The following TOP2A variants were observed in gnomAD, a reference collection of about 807,000 sequenced individuals.
TOP2A encodes DNA topoisomerase 2-alpha.
Under a neutral mutation model 187.2 loss-of-function variants are expected in TOP2A, and 68 were observed. The observed-to-expected ratio is 0.36, with a 90% CI of 0.30 to 0.44. The LOEUF (loss-of-function observed/expected upper bound fraction) is 0.44. Among genes scored for constraint, TOP2A ranks in the 20% least tolerant of loss-of-function variants. TOP2A has a pLI of 1.00. For missense variants in TOP2A, 1,196 were observed against 1,808.7 expected, an observed-to-expected ratio of 0.66 and a Z score of 6.14; for synonymous variants, 542 against 593.2, an observed-to-expected ratio of 0.91 and a Z score of 1.25.
In TOP2A at chr17:40,404,477, T is replaced by C. The variant is rs1387289649; in HGVS notation, c.2061A>G (p.Gly687=). 2 of 1,599,508 alleles carry C rather than the reference T, an allele frequency of 1.3e-6. No individual in the cohort carries two copies. The highest frequency in any genetic ancestry group is 2.2e-5 in the East Asian group (1 of 44,788). The part of the protein sequence containing the change: ...LLGLPEDYLY[G]QTTTYLTYND... ...TATATGTCAGATATGTGGTAGTTTG[T>C]CCATACAAGTAATCCTGAAGGACCA... Residue 687 remains glycine (G), a synonymous_variant, in exon 18 of 35, where the codon GGA becomes GGG. Transcript: ENST00000423485.
chr17:40,404,049 A>G, intron 19 of TOP2A, 103 bp downstream of exon 19: 1 of 1,428,380 alleles, frequency 7.0e-7, no homozygotes, highest in African/African-American at 1.4e-5. Context: ...CTTGTTCTTT[A>G]CTATGAATAT....
chr17:40,417,099 ATAT>A (rs1598621829), intron 1 of TOP2A, among the ~76,000 whole-genome samples: 1 of 151,952 alleles, frequency 6.6e-6, no homozygotes, highest in Non-Finnish European at 1.5e-5. Context: ...AAACAGACAC[ATAT>A]TATCTCACCA....
chr17:40,399,187 G>C, intron 24 of TOP2A, 56 bp from the exon 25 acceptor site: 4 of 1,268,902 alleles, frequency 3.2e-6, no homozygotes, highest in Non-Finnish European at 4.4e-6. Context: ...TTAGGAAGGG[G>C]ATAAGGTTTT....
At chr17:40,413,405 C>A in intron 5 of TOP2A, 75 bp downstream of exon 5, 17 of 1,401,152 alleles carry the variant, frequency 1.2e-5, no homozygotes, top group African/African-American at 1.5e-5. Context: ...ATATCTTTAA[C>A]CCTCATGCCA....
At chr17:40,395,608 A>T (rs1598609298) in intron 28 of TOP2A, 69 bp from the exon 29 acceptor site, 2 of 1,228,560 alleles carry the variant, frequency 1.6e-6, no homozygotes, top group East Asian at 5.0e-5. Context: ...GATTTTATAC[A>T]TTTTTGGCTG....
intron 33 of TOP2A, among the ~76,000 whole-genome samples, chr17:40,390,715 C>A (rs2143618129): frequency 6.7e-6 from 1 of 149,394 alleles, no homozygotes; most frequent in South Asian, 2.1e-4. Flanking sequence ...GTAGCCTCTG[C>A]CTCCTGGGTT....
intron 16 of TOP2A, among the ~76,000 whole-genome samples, chr17:40,405,718 C>A (rs1217626765): frequency 6.6e-6 from 1 of 151,904 alleles, no homozygotes; most frequent in South Asian, 2.1e-4. Context: ...ATCTGCCCGA[C>A]TTAGCCTTCC....
Position 40,392,199 on chromosome 17 carries a change from T to C in TOP2A, c.4088+19A>G, listed in dbSNP as rs1381703669. On this transcript the variant is annotated intron_variant, in intron 31 of 34. Coordinates refer to ENST00000423485, the MANE Select transcript of TOP2A (RefSeq NM_001067.4). ...TTAGAAACAATCATGACAAAACCCATATTAGATAAGATACTTGCTTTGGGG... is the reference window on the plus strand; with the variant it reads ...TTAGAAACAATCATGACAAAACCCACATTAGATAAGATACTTGCTTTGGGG... 8.7e-6 allele frequency: 14 copies of C among 1,612,742 alleles called. No individual in the cohort carries two copies. The highest frequency in any genetic ancestry group is 1.3e-5 in the African/African-American group (1 of 74,838).
At chr17:40,396,242 A>C in intron 28 of TOP2A, 41 bp downstream of exon 28, 1 of 1,176,198 alleles carries the variant, frequency 8.5e-7, no homozygotes, top group Non-Finnish European at 1.2e-6. Context: ...TGGCCCCCAA[A>C]GTGCTGGGAT....
Position 40,400,584 on chromosome 17 carries a change from A to C in TOP2A, c.2744T>G (p.Ile915Ser). 6.2e-6 allele frequency: 10 copies of C among 1,611,928 alleles called. No individual in the cohort carries two copies. The highest frequency in any genetic ancestry group is 8.5e-6 in the Non-Finnish European group (10 of 1,179,060). ...NQYVISGEVA[I>S]LNSTTIEISE... ...GATTTCAATGGTTGTAGAATTAAGAATAGCTACTTCACCACTAATCACATA... is the reference window on the plus strand; with the variant it reads ...GATTTCAATGGTTGTAGAATTAAGACTAGCTACTTCACCACTAATCACATA... The change falls in exon 22 of 35, where the codon ATT becomes AGT. Residue 915 changes from isoleucine (I) to serine (S), a missense_variant. Ile to Ser is a moderately radical substitution (Grantham distance 142). Transcript: ENST00000423485.
chr17:40,409,582 A>G, intron 10 of TOP2A: 1 of 379,478 alleles, frequency 2.6e-6, no homozygotes, highest in Non-Finnish European at 5.1e-6. Context: ...AACATGGTAA[A>G]ACCCCATCTC....
At chr17:40,402,804 G>C (rs923878287) in intron 20 of TOP2A, 102 bp downstream of exon 20, 2 of 1,307,862 alleles carry the variant, frequency 1.5e-6, no homozygotes, top group Middle Eastern at 3.8e-4. Flanking sequence ...CTAGATGCCA[G>C]TATCTTCTGA....
At chr17:40,412,291 G>A (rs1384837279) in intron 7 of TOP2A, among the ~76,000 whole-genome samples, 2 of 152,204 alleles carry the variant, frequency 1.3e-5, no homozygotes, top group Non-Finnish European at 1.5e-5. Context: ...AAAATGAGCT[G>A]ATTAAAAAAT....
At position 40,390,050 on chromosome 17, in the gene TOP2A, T is replaced by C; in HGVS notation, c.4382A>G (p.Lys1461Arg). 6.2e-7 allele frequency: 1 copy of C among 1,613,954 alleles called. No individual in the cohort carries two copies. The highest frequency in any genetic ancestry group is 1.1e-5 in the South Asian group (1 of 91,052). The stretch of plus-strand genomic sequence containing the variant: ...GGATGGCTTCCTTTTGCGGCGATTC[T>C]TGGTTTTGGCAGGATCAGGCTTTTG... ...VSQKPDPAKT[K>R]NRRKRKPSTS... Residue 1461 changes from lysine to arginine, a missense_variant, in exon 34 of 35, where the codon AAG (lysine) becomes AGG (arginine). By Grantham distance (26) the Lys-to-Arg change is conservative. Coordinates refer to ENST00000423485, the MANE Select transcript of TOP2A (RefSeq NM_001067.4).
intron 22 of TOP2A, 58 bp from the exon 23 acceptor site, chr17:40,400,467 C>T (rs2035164167): frequency 1.9e-6 from 3 of 1,602,106 alleles, no homozygotes; most frequent in Non-Finnish European, 2.6e-6. Context: ...TAGTCAACAG[C>T]AATAGTACAA....
In TOP2A at chr17:40,416,004, C is replaced by A. The variant is rs1404188533; in HGVS notation, c.332+1G>T. 2 of 1,579,578 alleles carry A rather than the reference C, an allele frequency of 1.3e-6. No individual in the cohort carries two copies. The highest frequency in any genetic ancestry group is 1.8e-5 in the Admixed American group (1 of 55,800). ...TAACAAAAACTAAGCAAAAGACGTA[C>A]GGATCAATTGTGACTCTAATACAAG... On this transcript the variant is annotated splice_donor_variant, in intron 4 of 34. Coordinates refer to ENST00000423485, the MANE Select transcript of TOP2A (RefSeq NM_001067.4). LOFTEE classifies it high-confidence loss of function.
intron 17 of TOP2A, 128 bp downstream of exon 17, chr17:40,404,663 T>G (rs2035217429): frequency 1.3e-6 from 1 of 753,776 alleles, no homozygotes; most frequent in Non-Finnish European, 2.2e-6. Context: ...CAAATTTAAC[T>G]GCTGCACAAC....
At position 40,417,859 on chromosome 17, in the gene TOP2A, C is replaced by G. The variant is rs2035413097; in HGVS notation, c.-68G>C. 1.2e-6 allele frequency: 2 copies of G among 1,601,408 alleles called. No homozygotes were observed. Among genetic ancestry groups the G allele is most frequent in the Admixed American group, 3.4e-5 (2 of 58,674 alleles). On this transcript the variant is annotated 5_prime_UTR_variant, in exon 1 of 35. Transcript: ENST00000423485. Reference sequence around the variant, plus strand: ...AACAGGCAGGACCCCACGAGACCACCCCCGACCAAGCCGCTTCTCCACAGA... The same window carrying G: ...AACAGGCAGGACCCCACGAGACCACGCCCGACCAAGCCGCTTCTCCACAGA...
intron 29 of TOP2A, 69 bp from the exon 30 acceptor site, chr17:40,392,806 A>C: frequency 8.0e-7 from 1 of 1,252,692 alleles, no homozygotes; most frequent in South Asian, 1.4e-5. Flanking sequence ...TCATCCATCC[A>C]TCCTTCAAAT....
Sources: allele counts gnomAD v4.1 joint callset (sites outside exome capture counted in the v4.1 genomes callset), GRCh38; gene constraint gnomAD v4.1.1; transcripts MANE v1.5; gene names NCBI Gene and HGNC (gene_info 2026-07-23, HGNC 2026-07-21).